The following SRRM4 variants were observed in gnomAD, a reference collection of about 807,000 sequenced individuals.
SRRM4 encodes serine/arginine repetitive matrix protein 4.
In SRRM4, 33 loss-of-function variants were observed where a neutral mutation model predicts 68.9. The ratio of observed to expected loss-of-function variants is 0.48; its 90% CI spans 0.36 to 0.64. The LOEUF (loss-of-function observed/expected upper bound fraction) is 0.64. Among genes scored for constraint, SRRM4 ranks in the 30% least tolerant of loss-of-function variants. The pLI is 0.00. For synonymous variants in SRRM4, 318 were observed against 318.8 expected, an observed-to-expected ratio of 1.00 and a Z score of 0.03; for missense variants, 817 against 827.1, an observed-to-expected ratio of 0.99 and a Z score of 0.15.
At position 118,981,844 on chromosome 12, in the gene SRRM4, G is replaced by A; in HGVS notation, c.-39G>A. 3 of 1,593,420 alleles carry A rather than the reference G, an allele frequency of 1.9e-6. No homozygotes were observed. The highest frequency in any genetic ancestry group is 1.7e-6 in the Non-Finnish European group (2 of 1,168,834). ...TTTGGAATCCACGTTTCAGCACTTTGGACAGCGCCCCGGACGCCCCGGCCC... is the reference window on the plus strand; with the variant it reads ...TTTGGAATCCACGTTTCAGCACTTTAGACAGCGCCCCGGACGCCCCGGCCC... On this transcript the variant is annotated 5_prime_UTR_variant, in exon 1 of 13. Transcript: ENST00000267260.
intron 1 of SRRM4, among the ~76,000 whole-genome samples, chr12:119,056,179 G>A (rs1190901506): frequency 6.6e-6 from 1 of 152,228 alleles, no homozygotes; most frequent in Admixed American, 6.5e-5. Context: ...CCTGCATGAT[G>A]CTCCCTCCCC....
rs751197819 is a variant in SRRM4, at chr12:119,156,630, C to CCGGAGCCGGAGA, written c.1679_1690dup (p.Arg560_Arg563dup). ...GCTACTCCCGGAGCCGGAGTCGGAGCCGGAGCCGGAGACGGAGCCGGACCC... is the reference window on the plus strand; with the variant it reads ...GCTACTCCCGGAGCCGGAGTCGGAGCCGGAGCCGGAGACGGAGCCGGAGACGGAGCCGGACCC... On this transcript the variant is annotated inframe_insertion, in exon 13 of 13. Transcript: ENST00000267260. The CCGGAGCCGGAGA allele has an allele frequency of 2.9e-5, 46 of 1,599,556 alleles. No homozygotes were observed. The highest frequency in any genetic ancestry group is 3.5e-5 in the Non-Finnish European group (41 of 1,175,080).
At position 119,158,444 on chromosome 12, in the gene SRRM4, A is replaced by G. The variant is rs1348080683; in HGVS notation, c.*1646A>G. 1 of 152,286 alleles carries G rather than the reference A, an allele frequency of 6.6e-6. No homozygotes were observed. Among genetic ancestry groups the G allele is most frequent in the Non-Finnish European group, 1.5e-5 (1 of 68,078 alleles). 9.4% of individuals were successfully genotyped at this position (152,286 alleles called of 1,614,324 possible). ...CCAATCTTTCCCATCCTATCAACCC[A>G]TGGGGCTAGAGACTGCCATGCAACC... On this transcript the variant is annotated 3_prime_UTR_variant, in exon 13 of 13. Transcript: ENST00000267260.
intron 2 of SRRM4, among the ~76,000 whole-genome samples, chr12:119,110,123 G>A (rs1004988130): frequency 2.0e-5 from 3 of 152,192 alleles, no homozygotes; most frequent in Non-Finnish European, 2.9e-5. Context: ...TATCACCAGC[G>A]GAGGCTGCAG....
chr12:119,110,906 C>T (rs868180064), intron 2 of SRRM4, among the ~76,000 whole-genome samples: 4 of 152,210 alleles, frequency 2.6e-5, no homozygotes, highest in Admixed American at 6.5e-5. Context: ...GCATCACTCA[C>T]GCTGGGAGCT....
At chr12:119,110,319 T>G (rs1323503621) in intron 2 of SRRM4, among the ~76,000 whole-genome samples, 1 of 152,184 alleles carries the variant, frequency 6.6e-6, no homozygotes. Flanking sequence ...GATCTCAAAC[T>G]CTGTGCTGGG....
chr12:119,156,393 G>A, intron 12 of SRRM4, 102 bp from the exon 13 acceptor site: 1 of 1,453,446 alleles, frequency 6.9e-7, no homozygotes, highest in Non-Finnish European at 9.1e-7. Flanking sequence ...TAAGGGACTG[G>A]GGAAAGGGAG....
At chr12:119,128,704 A>G (rs1352528079) in intron 7 of SRRM4, among the ~76,000 whole-genome samples, 3 of 152,226 alleles carry the variant, frequency 2.0e-5, no homozygotes, top group Non-Finnish European at 4.4e-5. Context: ...CAGAGCTGGA[A>G]TAGGCACCAG....
intron 4 of SRRM4, among the ~76,000 whole-genome samples, chr12:119,118,274 A>G (rs1954194140): frequency 6.6e-6 from 1 of 152,250 alleles, no homozygotes; most frequent in Non-Finnish European, 1.5e-5. Context: ...AGTGATTTAT[A>G]TATTACTTTT....
chr12:119,038,198 A>G (rs1022621703), intron 1 of SRRM4, among the ~76,000 whole-genome samples: 5 of 129,102 alleles, frequency 3.9e-5, no homozygotes, highest in African/African-American at 1.4e-4. Flanking sequence ...TTATCCTTGA[A>G]ATTAAAAACT....
intron 1 of SRRM4, among the ~76,000 whole-genome samples, chr12:119,057,532 A>G (rs1055429367): frequency 3.3e-5 from 5 of 152,190 alleles, no homozygotes; most frequent in African/African-American, 9.7e-5. Flanking sequence ...ATCTTGTTCC[A>G]TTTTATGGCT....
At chr12:119,086,403 G>A (rs1953980022) in intron 1 of SRRM4, among the ~76,000 whole-genome samples, 1 of 152,178 alleles carries the variant, frequency 6.6e-6, no homozygotes, top group Non-Finnish European at 1.5e-5. Flanking sequence ...ACCAGGGGCT[G>A]AGAAATATTT....
At chr12:119,116,124 G>C (rs1954178370) in intron 3 of SRRM4, among the ~76,000 whole-genome samples, 1 of 152,080 alleles carries the variant, frequency 6.6e-6, no homozygotes, top group Admixed American at 6.5e-5. Context: ...TACCTGAGAG[G>C]GCCCTGTTAG....
intron 1 of SRRM4, among the ~76,000 whole-genome samples, chr12:119,051,318 A>C (rs1953741057): frequency 6.6e-6 from 1 of 152,218 alleles, no homozygotes; most frequent in African/African-American, 2.4e-5. Context: ...AACAGTTCAC[A>C]AAGTTGAGCC....
intron 1 of SRRM4, among the ~76,000 whole-genome samples, chr12:119,079,713 G>A (rs555732514): frequency 9.2e-5 from 14 of 152,236 alleles, no homozygotes; most frequent in Non-Finnish European, 1.6e-4. Context: ...GTAAACCCCC[G>A]AAGCATCCTA....
intron 1 of SRRM4, among the ~76,000 whole-genome samples, chr12:119,085,339 T>A (rs1033470783): frequency 2.0e-5 from 3 of 152,260 alleles, no homozygotes; most frequent in African/African-American, 7.2e-5. Context: ...TTACATACGA[T>A]GACCTGAAGC....
chr12:119,080,667 G>A (rs905692239), intron 1 of SRRM4, among the ~76,000 whole-genome samples: 1 of 152,194 alleles, frequency 6.6e-6, no homozygotes, highest in Non-Finnish European at 1.5e-5. Context: ...CACTCAGCTA[G>A]GGGTGGCAGA....
intron 1 of SRRM4, among the ~76,000 whole-genome samples, chr12:119,096,082 G>A (rs931213305): frequency 2.0e-4 from 30 of 151,038 alleles, no homozygotes; most frequent in Admixed American, 5.9e-4. Flanking sequence ...GTGCAGTGGC[G>A]CGATCTCAGC....
chr12:119,131,943 C>A (rs1954300887), intron 8 of SRRM4, among the ~76,000 whole-genome samples: 1 of 152,120 alleles, frequency 6.6e-6, no homozygotes, highest in South Asian at 2.1e-4. Flanking sequence ...TTCAGGGGTG[C>A]TTGTGGGGAT....
Sources: allele counts gnomAD v4.1 joint callset (sites outside exome capture counted in the v4.1 genomes callset), GRCh38; gene constraint gnomAD v4.1.1; transcripts MANE v1.5; gene names NCBI Gene and HGNC (gene_info 2026-07-23, HGNC 2026-07-21).